Variants in PSMD1 observed in about 807,000 individuals in gnomAD.
PSMD1 encodes 26S proteasome non-ATPase regulatory subunit 1.
In PSMD1, 18 loss-of-function variants were observed where a neutral mutation model predicts 119.0. The observed-to-expected ratio is 0.15, with a 90% CI of 0.10 to 0.22. The LOEUF is 0.22. Among genes scored for constraint, PSMD1 ranks in the 10% least tolerant of loss-of-function variants. PSMD1 has a pLI of 1.00. For synonymous variants in PSMD1, 374 were observed against 396.6 expected (o/e 0.94, Z 0.68); for missense variants, 702 against 1,158.5 (o/e 0.61, Z 5.72).
rs778910536 is a variant in PSMD1 at position 231,083,558 on chromosome 2, A to G, written c.1526-9A>G. ...ACTCTCTGTTAACATTTTACTCGTT[A>G]CTTGCCAGGGGAAGCAGCTGGCCTG... On this transcript the variant is annotated splice_polypyrimidine_tract_variant and intron_variant, in intron 13 of 24. Transcript: ENST00000308696. 1 of 1,614,052 alleles carries G rather than the reference A, an allele frequency of 6.2e-7. No individual in the cohort carries two copies. The highest frequency in any genetic ancestry group is 1.1e-5 in the South Asian group (1 of 91,070).
chr2:231,160,835 A>C (rs1696622113), intron 19 of PSMD1, among the ~76,000 whole-genome samples: 1 of 152,320 alleles, frequency 6.6e-6, no homozygotes, highest in South Asian at 2.1e-4. Context: ...CACTAATTCC[A>C]AGGACTGCAT....
intron 16 of PSMD1, among the ~76,000 whole-genome samples, chr2:231,132,379 T>A (rs533894935): frequency 5.9e-5 from 9 of 152,236 alleles, no homozygotes; most frequent in Non-Finnish European, 1.0e-4. Context: ...TTGATAAGTA[T>A]CCTGCATGCC....
chr2:231,165,037 TATATATA>T lies in PSMD1; in HGVS notation c.2482-162_2482-156del, dbSNP rs1696735828. 9.3e-3 allele frequency: 74 copies of T among 7,978 alleles called. 5 individuals are homozygous for T. Among genetic ancestry groups the T allele is most frequent in the Non-Finnish European group, 0.01 (52 of 5,030 alleles). The allele number at this position is 7,978 out of a possible 1,614,324, so 0.5% of individuals were successfully genotyped here. A position where few individuals can be genotyped will look rare whatever the true frequency, so the allele number is the denominator to read the frequency against. ...TTATTCTTTGATTTATATATATTTA[TATATATA>T]TATATATATATATATATATATATAT... On this transcript the variant is annotated intron_variant, in intron 21 of 24. Transcript: ENST00000308696.
intron 4 of PSMD1, among the ~76,000 whole-genome samples, chr2:231,066,576 A>T (rs1261950385): frequency 6.6e-6 from 1 of 152,194 alleles, no homozygotes; most frequent in Non-Finnish European, 1.5e-5. Flanking sequence ...ACAGGGTCCC[A>T]TTGTGGTGCT....
intron 16 of PSMD1, among the ~76,000 whole-genome samples, chr2:231,127,811 C>A (rs1421632570): frequency 1.3e-5 from 2 of 152,116 alleles, no homozygotes; most frequent in Non-Finnish European, 2.9e-5. Flanking sequence ...AAGTATGATT[C>A]TTAATGGTAG....
At chr2:231,110,636 A>G (rs940383831) in intron 16 of PSMD1, among the ~76,000 whole-genome samples, 3 of 152,230 alleles carry the variant, frequency 2.0e-5, no homozygotes, top group Non-Finnish European at 1.5e-5. Context: ...ACCCTTTCTA[A>G]CAGAGGTCAT....
At chr2:231,086,673 A>T (rs763140854) in intron 15 of PSMD1, among the ~76,000 whole-genome samples, 6 of 152,176 alleles carry the variant, frequency 3.9e-5, no homozygotes, top group Non-Finnish European at 8.8e-5. Flanking sequence ...AAAAAGAGAG[A>T]GAAAAGTAAC....
intron 16 of PSMD1, among the ~76,000 whole-genome samples, chr2:231,112,294 C>T (rs540903374): frequency 6.6e-6 from 1 of 152,196 alleles, no homozygotes; most frequent in African/African-American, 2.4e-5. Flanking sequence ...GTCTCCCATT[C>T]CCTTTCTGTA....
intron 16 of PSMD1, among the ~76,000 whole-genome samples, chr2:231,091,658 G>A (rs1259168520): frequency 9.9e-5 from 15 of 152,148 alleles, no homozygotes; most frequent in Admixed American, 9.8e-4. Context: ...CCCCAGGAGT[G>A]GGGGTCTATC....
At chr2:231,077,922 C>T (rs996446009) in intron 9 of PSMD1, among the ~76,000 whole-genome samples, 5 of 152,108 alleles carry the variant, frequency 3.3e-5, no homozygotes, top group African/African-American at 1.2e-4. Context: ...ATCATATAGT[C>T]TCCATTCATG....
At chr2:231,117,907 G>A (rs961307113) in intron 16 of PSMD1, among the ~76,000 whole-genome samples, 2 of 152,086 alleles carry the variant, frequency 1.3e-5, no homozygotes, top group African/African-American at 4.8e-5. Context: ...AGTTACATGG[G>A]GTTATTTAAG....
chr2:231,115,738 T>C (rs1695308876), intron 16 of PSMD1, among the ~76,000 whole-genome samples: 1 of 152,134 alleles, frequency 6.6e-6, no homozygotes, highest in Admixed American at 6.5e-5. Context: ...ATTTATTTAT[T>C]GAAATGTAAA....
chr2:231,119,869 C>CAAAA (rs78246469), intron 16 of PSMD1, among the ~76,000 whole-genome samples: 2 of 80,038 alleles, frequency 2.5e-5, no homozygotes, highest in Non-Finnish European at 4.9e-5. Context: ...GACTCCGTCT[C>CAAAA]AAAAAAAAAA....
chr2:231,145,016 C>T (rs1180069464), intron 17 of PSMD1, among the ~76,000 whole-genome samples: 2 of 152,170 alleles, frequency 1.3e-5, no homozygotes, highest in African/African-American at 4.8e-5. Context: ...CTAAAGCTTC[C>T]TTTTCACTTA....
At chr2:231,060,400 C>T (rs1693726672) in intron 1 of PSMD1, 1 of 152,182 alleles carries the variant, frequency 6.6e-6, no homozygotes, top group Admixed American at 6.5e-5. Flanking sequence ...TTAATCAAAC[C>T]ACAGTTTCAA....
intron 17 of PSMD1, among the ~76,000 whole-genome samples, chr2:231,141,939 G>A (rs975994200): frequency 1.3e-5 from 2 of 152,074 alleles, no homozygotes; most frequent in African/African-American, 2.4e-5. Flanking sequence ...CTGGACTGCA[G>A]TGGTGCAATC....
chr2:231,079,724 T>G (rs894649853), intron 11 of PSMD1, 110 bp downstream of exon 11: 5 of 625,370 alleles, frequency 8.0e-6, no homozygotes, highest in Non-Finnish European at 1.3e-5. Flanking sequence ...CTTTGTTAAG[T>G]CAGATAAGTC....
chr2:231,113,905 A>C (rs745662383), intron 16 of PSMD1: 1 of 1,614,164 alleles, frequency 6.2e-7, no homozygotes, highest in Non-Finnish European at 8.5e-7. Context: ...AGGACATAGA[A>C]CAAGTGGGAG....
In PSMD1 at chr2:231,062,671, T is replaced by C; in HGVS notation, c.300T>C (p.Ile100=). Residue 100 remains isoleucine (I), a synonymous_variant, in exon 4 of 25, where the codon ATT becomes ATC. Transcript: ENST00000308696. ...ATAACTCTGAATATGTGGAAACTAT[T>C]ATAGGTAATTATCGTCTATCTGGTA... ...VNDNSEYVET[I]IAKCIDHYTK... is the part of the protein sequence containing the mutation. 1.3e-6 allele frequency: 2 copies of C among 1,590,648 alleles called. No homozygotes were observed. Among genetic ancestry groups the C allele is most frequent in the Non-Finnish European group, 1.7e-6 (2 of 1,169,314 alleles).
Sources: allele counts gnomAD v4.1 joint callset (sites outside exome capture counted in the v4.1 genomes callset), GRCh38; gene constraint gnomAD v4.1.1; transcripts MANE v1.5; gene names NCBI Gene and HGNC (gene_info 2026-07-23, HGNC 2026-07-21).